Variants in GPC5 observed in about 807,000 individuals in gnomAD.
The protein encoded by GPC5 is glypican 5.
Under a neutral mutation model 53.9 loss-of-function variants are expected in GPC5, and 47 were observed. That is an observed-to-expected ratio of 0.87 (90% confidence interval 0.69 to 1.11). GPC5 has a LOEUF of 1.11. Among genes scored for constraint, GPC5 ranks in the 50% most tolerant of loss-of-function variants. The pLI, the probability that GPC5 is intolerant of heterozygous loss-of-function variation, is 0.00. For synonymous variants in GPC5, 286 were observed against 263.3 expected (o/e 1.09, Z -0.84); for missense variants, 748 against 713.1 (o/e 1.05, Z -0.56).
intron 7 of GPC5, among the ~76,000 whole-genome samples, chr13:92,546,865 A>G (rs192707178): frequency 7.2e-5 from 11 of 152,298 alleles, no homozygotes; most frequent in Admixed American, 3.9e-4. Flanking sequence ...ATAATGCCGC[A>G]TATCTACAAC....
chr13:91,439,455 A>G (rs924822817), intron 1 of GPC5, among the ~76,000 whole-genome samples: 2 of 152,262 alleles, frequency 1.3e-5, no homozygotes, highest in Non-Finnish European at 2.9e-5. Flanking sequence ...ATTTGATACC[A>G]TAATTTGTTT....
intron 7 of GPC5, chr13:92,241,693 C>T (rs2042612651): frequency 6.6e-6 from 1 of 152,106 alleles, no homozygotes; most frequent in South Asian, 2.1e-4. Context: ...TGTCACCTTT[C>T]AGTGGAAAAT....
At chr13:91,677,210 TA>T (rs2035404055) in intron 2 of GPC5, among the ~76,000 whole-genome samples, 1 of 152,160 alleles carries the variant, frequency 6.6e-6, no homozygotes, top group Non-Finnish European at 1.5e-5. Flanking sequence ...AGGGGTGCAA[TA>T]CAGAGGAATT....
intron 7 of GPC5, among the ~76,000 whole-genome samples, chr13:92,691,422 G>A (rs1183333359): frequency 2.8e-5 from 4 of 145,356 alleles, no homozygotes; most frequent in African/African-American, 1.0e-4. Context: ...CCCTGCTTCG[G>A]CTCGCGCACG....
rs543887959 is a variant in GPC5 at position 92,660,629 on chromosome 13, T to C, written c.1562-205653T>C. Among the ~76,000 whole-genome samples, 8 of 152,176 alleles carry C rather than the reference T, an allele frequency of 5.3e-5. No homozygotes were observed. The South Asian group carries it at 1.4e-3, about 28-fold the overall frequency. ...GGTTTCTTCTTCCCTCTCTTCCACG[T>C]AATGATCTCTCTGCATCTTATCCAT... On this transcript the variant is annotated intron_variant, in intron 7 of 7. Transcript: ENST00000377067.
rs147554053 is a variant in GPC5 at position 91,802,518 on chromosome 13, C to T, written c.1280+46098C>T. Among the ~76,000 whole-genome samples, 1,170 of 152,290 alleles carry T rather than the reference C, an allele frequency of 7.7e-3. 11 individuals are homozygous for T. The highest frequency in any genetic ancestry group is 0.012 in the Non-Finnish European group (843 of 68,022). On this transcript the variant is annotated intron_variant, in intron 5 of 7. Coordinates refer to ENST00000377067, the MANE Select transcript of GPC5 (RefSeq NM_004466.6). ...CATGGAAGGGGACCCAAGCAGGTTG[C>T]TGCTGCTGGCTTGGGTGGCCAGCTT...
intron 3 of GPC5, among the ~76,000 whole-genome samples, chr13:91,714,907 G>T (rs925042069): frequency 6.6e-6 from 1 of 152,234 alleles, no homozygotes; most frequent in African/African-American, 2.4e-5. Flanking sequence ...AGGTCCGGGG[G>T]TGTTACAGCT....
chr13:92,519,543 A>C (rs975680306), intron 7 of GPC5, among the ~76,000 whole-genome samples: 6 of 152,232 alleles, frequency 3.9e-5, no homozygotes, highest in Admixed American at 6.5e-5. Flanking sequence ...GTACATAATG[A>C]AATGAAGGCA....
At chr13:91,720,916 A>G (rs1029683125) in intron 3 of GPC5, among the ~76,000 whole-genome samples, 11 of 152,176 alleles carry the variant, frequency 7.2e-5, no homozygotes, top group South Asian at 2.1e-4. Flanking sequence ...AGACAGATAG[A>G]TCCAGATAGA....
intron 7 of GPC5, among the ~76,000 whole-genome samples, chr13:92,151,478 A>ATATATGAT (rs1404000798): frequency 2.6e-5 from 4 of 152,162 alleles, no homozygotes; most frequent in Non-Finnish European, 4.4e-5. Flanking sequence ...ACCGTATATT[A>ATATATGAT]GCATTATAAG....
At chr13:92,559,422 G>T (rs1376624176) in intron 7 of GPC5, among the ~76,000 whole-genome samples, 3 of 150,552 alleles carry the variant, frequency 2.0e-5, no homozygotes, top group South Asian at 2.1e-4. Flanking sequence ...ATGTTTTCAC[G>T]TCTTAAAAAT....
chr13:92,274,931 A>G (rs1179432188), intron 7 of GPC5, among the ~76,000 whole-genome samples: 1 of 152,064 alleles, frequency 6.6e-6, no homozygotes, highest in Non-Finnish European at 1.5e-5. Flanking sequence ...AGTGCCTGGG[A>G]CAGCTGTAGA....
At chr13:91,731,721 C>G (rs938370316) in intron 4 of GPC5, among the ~76,000 whole-genome samples, 3 of 152,028 alleles carry the variant, frequency 2.0e-5, no homozygotes, top group African/African-American at 7.3e-5. Flanking sequence ...GTGATGTTCC[C>G]CTCCCTATAT....
At chr13:92,411,061 AC>A (rs1024451834) in intron 7 of GPC5, among the ~76,000 whole-genome samples, 4 of 152,080 alleles carry the variant, frequency 2.6e-5, no homozygotes, top group Non-Finnish European at 4.4e-5. Flanking sequence ...CTACGGTGAA[AC>A]CCTGTCTCTC....
intron 6 of GPC5, among the ~76,000 whole-genome samples, chr13:92,028,180 G>A (rs1171742170): frequency 6.6e-6 from 1 of 151,962 alleles, no homozygotes; most frequent in Non-Finnish European, 1.5e-5. Context: ...TTTTTAAATG[G>A]TTTATACCTG....
intron 7 of GPC5, among the ~76,000 whole-genome samples, chr13:92,705,042 T>G (rs1887903928): frequency 6.6e-6 from 1 of 151,864 alleles, no homozygotes; most frequent in African/African-American, 2.4e-5. Context: ...CAAATATGGA[T>G]GTACTAGAAT....
chr13:92,105,656 G>A (rs2041503969), intron 6 of GPC5, among the ~76,000 whole-genome samples: 1 of 151,914 alleles, frequency 6.6e-6, no homozygotes, highest in African/African-American at 2.4e-5. Context: ...AAATGGCTGT[G>A]TATTAAGTGA....
chr13:91,755,350 G>A (rs567501401), intron 4 of GPC5, among the ~76,000 whole-genome samples: 43 of 152,132 alleles, frequency 2.8e-4, no homozygotes, highest in Middle Eastern at 3.4e-3. Context: ...AATTTCTAAA[G>A]TTTACTTTCC....
intron 2 of GPC5, among the ~76,000 whole-genome samples, chr13:91,651,052 A>G (rs2034696817): frequency 6.6e-6 from 1 of 152,104 alleles, no homozygotes; most frequent in Non-Finnish European, 1.5e-5. Flanking sequence ...CAAGAGTTTT[A>G]TGAGAGTGCA....
Sources: allele counts gnomAD v4.1 joint callset (sites outside exome capture counted in the v4.1 genomes callset), GRCh38; gene constraint gnomAD v4.1.1; transcripts MANE v1.5; gene names NCBI Gene and HGNC (gene_info 2026-07-23, HGNC 2026-07-21).